PDE10A: variants seen among roughly 807,000 people sequenced by gnomAD.
The protein encoded by PDE10A is phosphodiesterase 10A, also known as cAMP and cAMP-inhibited cGMP 3',5'-cyclic phosphodiesterase 10A.
PDE10A carries 39 observed loss-of-function variants against 97.7 expected under a neutral mutation model. The ratio of observed to expected loss-of-function variants is 0.40; its 90% CI spans 0.31 to 0.52. The LOEUF is 0.52. Among genes scored for constraint, PDE10A ranks in the 20% least tolerant of loss-of-function variants. The pLI is 0.56. For missense variants in PDE10A, 731 were observed against 1,047.8 expected, an observed-to-expected ratio of 0.70 and a Z score of 4.17; for synonymous variants, 371 against 376.8, an observed-to-expected ratio of 0.98 and a Z score of 0.18.
chr6:165,801,351 C>G (rs2128465538), intron 1 of PDE10A, among the ~76,000 whole-genome samples: 1 of 152,268 alleles, frequency 6.6e-6, no homozygotes, highest in African/African-American at 2.4e-5. Context: ...TTGAGACCAG[C>G]CTGCCCAACA....
At chr6:165,732,688 T>A (rs1213147716) in intron 1 of PDE10A, among the ~76,000 whole-genome samples, 1 of 152,232 alleles carries the variant, frequency 6.6e-6, no homozygotes, top group Admixed American at 6.5e-5. Context: ...TGGATGGAAC[T>A]GGGAAAGCAG....
chr6:165,452,637 C>T (rs1023082405), intron 3 of PDE10A, among the ~76,000 whole-genome samples: 5 of 152,130 alleles, frequency 3.3e-5, no homozygotes, highest in African/African-American at 1.2e-4. Context: ...CCCAGGACCT[C>T]CCAGCCTCCA....
intron 1 of PDE10A, among the ~76,000 whole-genome samples, chr6:165,874,011 A>C (rs1781270073): frequency 6.6e-6 from 1 of 152,360 alleles, no homozygotes; most frequent in South Asian, 2.1e-4. Context: ...CAAAGGGTGA[A>C]GCTTTGTTCT....
intron 18 of PDE10A, among the ~76,000 whole-genome samples, chr6:165,347,424 C>T (rs1782387472): frequency 6.6e-6 from 1 of 152,012 alleles, no homozygotes; most frequent in Admixed American, 6.5e-5. Context: ...TAATAAAACC[C>T]TAAATGTTAC....
intron 1 of PDE10A, among the ~76,000 whole-genome samples, chr6:165,964,969 C>T (rs1160284583): frequency 6.6e-6 from 1 of 152,176 alleles, no homozygotes. Context: ...GGCATCAAGC[C>T]TTCAGTTGGG....
At chr6:165,641,355 T>C (rs1431896411) in intron 1 of PDE10A, among the ~76,000 whole-genome samples, 2 of 152,176 alleles carry the variant, frequency 1.3e-5, no homozygotes, top group Non-Finnish European at 2.9e-5. Flanking sequence ...ATTTCTCTAC[T>C]ATAAAACAAT....
chr6:165,408,024 G>A (rs1479228805), intron 13 of PDE10A, among the ~76,000 whole-genome samples: 1 of 152,178 alleles, frequency 6.6e-6, no homozygotes, highest in East Asian at 1.9e-4. Flanking sequence ...TGGCCTATGT[G>A]CCCTGCTTCT....
At chr6:165,720,068 A>G (rs1792127707) in intron 1 of PDE10A, among the ~76,000 whole-genome samples, 1 of 152,230 alleles carries the variant, frequency 6.6e-6, no homozygotes, top group Non-Finnish European at 1.5e-5. Flanking sequence ...GTCTAAAGAA[A>G]CAAAGTAATT....
chr6:165,537,446 C>T (rs777001897), intron 2 of PDE10A, among the ~76,000 whole-genome samples: 1 of 151,802 alleles, frequency 6.6e-6, no homozygotes, highest in Non-Finnish European at 1.5e-5. Context: ...GATAAATGTT[C>T]GCAGTAGTGG....
Position 165,647,842 on chromosome 6 carries a change from G to A in PDE10A, c.865+14105C>T, listed in dbSNP as rs185596849. On this transcript the variant is annotated intron_variant, in intron 1 of 21. Coordinates refer to ENST00000539869, the MANE Select transcript of PDE10A (RefSeq NM_001385079.1). ...TACGTGTCTCAGCACTTGCTCTCCT[G>A]AAGGCACTATTGCAAACACTTGCTA... Among the ~76,000 whole-genome samples, 6 of 152,260 alleles carry A rather than the reference G, an allele frequency of 3.9e-5. No individual in the cohort carries two copies. In the East Asian group the frequency reaches 1.2e-3, roughly 29 times the overall value.
At chr6:165,723,470 C>T (rs141336038) in intron 1 of PDE10A, among the ~76,000 whole-genome samples, 6 of 152,266 alleles carry the variant, frequency 3.9e-5, no homozygotes, top group Non-Finnish European at 8.8e-5. Context: ...ACATGAAACC[C>T]GGTGTGTGAC....
intron 7 of PDE10A, 53 bp downstream of exon 7, chr6:165,432,921 C>T: frequency 3.6e-6 from 5 of 1,374,090 alleles, no homozygotes; most frequent in Non-Finnish European, 5.1e-6. Context: ...CAAGCACCTT[C>T]AATGAGCTAG....
chr6:165,929,698 C>T (rs1215286690), intron 1 of PDE10A, among the ~76,000 whole-genome samples: 1 of 152,244 alleles, frequency 6.6e-6, no homozygotes, highest in Non-Finnish European at 1.5e-5. Flanking sequence ...TTCACTGTCC[C>T]TAGCAACATC....
intron 1 of PDE10A, among the ~76,000 whole-genome samples, chr6:165,718,933 T>C (rs1019041219): frequency 1.3e-5 from 2 of 152,036 alleles, no homozygotes; most frequent in Non-Finnish European, 2.9e-5. Context: ...AACTATAATA[T>C]TCTCAGAGGA....
At chr6:165,952,479 A>C (rs1220922542) in intron 1 of PDE10A, among the ~76,000 whole-genome samples, 1 of 152,248 alleles carries the variant, frequency 6.6e-6, no homozygotes, top group Admixed American at 6.5e-5. Context: ...AGTTTTACAC[A>C]CACACATTTG....
intron 16 of PDE10A, 90 bp downstream of exon 16, chr6:165,392,556 G>T: frequency 7.8e-7 from 1 of 1,290,214 alleles, no homozygotes; most frequent in Non-Finnish European, 1.1e-6. Flanking sequence ...GGAATAACAT[G>T]TCACAAATCC....
chr6:165,508,579 G>C (rs146278222), intron 2 of PDE10A, among the ~76,000 whole-genome samples: 1 of 152,018 alleles, frequency 6.6e-6, no homozygotes, highest in African/African-American at 2.4e-5. Flanking sequence ...CATATGCTCA[G>C]TGTCTACATA....
intron 1 of PDE10A, among the ~76,000 whole-genome samples, chr6:165,893,575 T>C (rs555809250): frequency 6.6e-6 from 1 of 152,320 alleles, no homozygotes; most frequent in Non-Finnish European, 1.5e-5. Context: ...AGCAGATATG[T>C]CTGCTTGGGA....
intron 1 of PDE10A, among the ~76,000 whole-genome samples, chr6:165,570,982 A>G (rs1440116782): frequency 6.6e-6 from 1 of 152,228 alleles, no homozygotes; most frequent in Non-Finnish European, 1.5e-5. Context: ...TGGGGTTACA[A>G]ATCAATTTTA....
Sources: gnomAD v4.1 joint callset for allele counts (sites outside exome capture counted in the v4.1 genomes callset) on GRCh38, gnomAD v4.1.1 for gene constraint, MANE v1.5 for transcripts, NCBI Gene and HGNC (gene_info 2026-07-23, HGNC 2026-07-21) for gene names.